The following PTPRT variants were observed in gnomAD, a reference collection of about 807,000 sequenced individuals.
The protein encoded by PTPRT is protein tyrosine phosphatase receptor type T, also known as receptor-type tyrosine-protein phosphatase T.
PTPRT carries 56 observed loss-of-function variants against 176.8 expected under a neutral mutation model. That is an observed-to-expected ratio of 0.32 (90% confidence interval 0.26 to 0.40). The LOEUF (loss-of-function observed/expected upper bound fraction) is 0.40. Among genes scored for constraint, PTPRT ranks in the 10% least tolerant of loss-of-function variants. The pLI is 1.00. For missense variants in PTPRT, 1,540 were observed against 1,908.2 expected, an observed-to-expected ratio of 0.81 and a Z score of 3.60; for synonymous variants, 783 against 739.0, an observed-to-expected ratio of 1.06 and a Z score of -0.96.
intron 13 of PTPRT, among the ~76,000 whole-genome samples, chr20:42,255,307 G>A (rs1266911277): frequency 1.3e-5 from 2 of 152,222 alleles, no homozygotes. Context: ...AAAATGCCAA[G>A]TTCACACTGG....
At chr20:42,363,179 T>C (rs1209978016) in intron 9 of PTPRT, among the ~76,000 whole-genome samples, 1 of 144,800 alleles carries the variant, frequency 6.9e-6, no homozygotes, top group African/African-American at 2.5e-5. Context: ...CTAAGTCTCA[T>C]TGATTGGCAA....
chr20:43,122,415 CA>C (rs772425490), intron 1 of PTPRT, among the ~76,000 whole-genome samples: 10 of 152,190 alleles, frequency 6.6e-5, no homozygotes, highest in African/African-American at 1.2e-4. Flanking sequence ...GGCCTGTCCA[CA>C]AACATGAAGA....
intron 9 of PTPRT, among the ~76,000 whole-genome samples, chr20:42,359,487 C>G (rs899653637): frequency 1.1e-4 from 16 of 152,216 alleles, no homozygotes; most frequent in African/African-American, 3.4e-4. Flanking sequence ...AGTATCCTTA[C>G]TGGCCTCGTG....
rs1987979569 is a variant in PTPRT, at chr20:42,128,738, C to G, written c.2847+16G>C. ...CAAAAGCCAGCCCCAGCCCCCAGCC[C>G]CATTAAGACACTCACGTCAATGTAG... On this transcript the variant is annotated intron_variant, in intron 19 of 30. Coordinates refer to ENST00000373187, the MANE Select transcript of PTPRT (RefSeq NM_007050.6). 1.3e-6 allele frequency: 2 copies of G among 1,575,968 alleles called. No individual in the cohort carries two copies. Among genetic ancestry groups the G allele is most frequent in the Non-Finnish European group, 1.7e-6 (2 of 1,158,452 alleles).
intron 6 of PTPRT, among the ~76,000 whole-genome samples, chr20:42,732,843 G>C (rs150503865): frequency 2.6e-5 from 4 of 152,250 alleles, no homozygotes; most frequent in Non-Finnish European, 4.4e-5. Context: ...TAAAATTCAA[G>C]GTGAAAAGGG....
chr20:42,510,449 G>A (rs1044975003), intron 7 of PTPRT, among the ~76,000 whole-genome samples: 14 of 151,798 alleles, frequency 9.2e-5, no homozygotes, highest in East Asian at 3.9e-4. Context: ...ATGCTATAAC[G>A]TGTGTGTTTT....
intron 2 of PTPRT, among the ~76,000 whole-genome samples, chr20:42,803,695 A>T (rs923905154): frequency 1.3e-5 from 2 of 152,222 alleles, no homozygotes. Flanking sequence ...CTGGAATTAC[A>T]GGCATGTGCC....
Position 42,161,337 on chromosome 20 carries a change from A to T in PTPRT, c.2682+15T>A. On this transcript the variant is annotated intron_variant, in intron 17 of 30. Coordinates refer to ENST00000373187, the MANE Select transcript of PTPRT (RefSeq NM_007050.6). Reference sequence around the variant, plus strand: ...TGAAACTATCAGGAAGTTTCCCCACAGGCTGGTCTCTTACCTCGTATTCCT... The same window carrying T: ...TGAAACTATCAGGAAGTTTCCCCACTGGCTGGTCTCTTACCTCGTATTCCT... 1 of 1,613,968 alleles carries T rather than the reference A, an allele frequency of 6.2e-7. No homozygotes were observed. The highest frequency in any genetic ancestry group is 8.5e-7 in the Non-Finnish European group (1 of 1,179,866).
intron 15 of PTPRT, among the ~76,000 whole-genome samples, chr20:42,229,717 C>T (rs902110743): frequency 1.3e-5 from 2 of 152,170 alleles, no homozygotes; most frequent in African/African-American, 4.8e-5. Context: ...CTCTGTTTTA[C>T]ATACCAGGCA....
intron 1 of PTPRT, among the ~76,000 whole-genome samples, chr20:42,929,246 CTAAT>C (rs1379311720): frequency 6.6e-6 from 1 of 152,224 alleles, no homozygotes; most frequent in African/African-American, 2.4e-5. Context: ...AAACAGGAGA[CTAAT>C]TAAATAAGTT....
chr20:43,187,154 C>T (rs1432863541), intron 1 of PTPRT, among the ~76,000 whole-genome samples: 2 of 152,134 alleles, frequency 1.3e-5, no homozygotes, highest in African/African-American at 2.4e-5. Context: ...GACACTGAGA[C>T]CAACATGTTA....
At chr20:42,590,729 A>G (rs565972249) in intron 7 of PTPRT, among the ~76,000 whole-genome samples, 199 of 152,300 alleles carry the variant, frequency 1.3e-3, no homozygotes, top group Non-Finnish European at 1.8e-3. Context: ...ATTCTAAGGA[A>G]TTTTGGGAAA....
chr20:42,153,314 A>G (rs984525487), intron 17 of PTPRT, among the ~76,000 whole-genome samples: 4 of 152,198 alleles, frequency 2.6e-5, no homozygotes, highest in Admixed American at 2.6e-4. Flanking sequence ...ATATACTATC[A>G]GCCTTTAGAA....
rs534001446 is a variant in PTPRT at position 42,398,223 on chromosome 20, T to G, written c.1561-45938A>C. 4.6e-5 allele frequency among the ~76,000 whole-genome samples: 7 copies of G among 152,272 alleles called. No individual in the cohort carries two copies. The East Asian group carries it at 1.2e-3, about 25-fold the overall frequency. On this transcript the variant is annotated intron_variant, in intron 9 of 30. Coordinates refer to ENST00000373187, the MANE Select transcript of PTPRT (RefSeq NM_007050.6). Reference sequence around the variant, plus strand: ...ACAATAGATTAAAAGGAATAACCAATAGATGTGTACAAATCTGATTAAACT... The same window carrying G: ...ACAATAGATTAAAAGGAATAACCAAGAGATGTGTACAAATCTGATTAAACT...
chr20:42,819,215 C>A (rs2077845950), intron 2 of PTPRT, among the ~76,000 whole-genome samples: 1 of 152,152 alleles, frequency 6.6e-6, no homozygotes, highest in Non-Finnish European at 1.5e-5. Context: ...GGCAGAAACT[C>A]CAGAGGCCAG....
chr20:42,263,454 C>T (rs1026638854), intron 13 of PTPRT, among the ~76,000 whole-genome samples: 7 of 142,640 alleles, frequency 4.9e-5, no homozygotes, highest in Admixed American at 1.5e-4. Flanking sequence ...GATCTCGGCT[C>T]GCTGCAACCT....
intron 7 of PTPRT, among the ~76,000 whole-genome samples, chr20:42,527,466 A>G (rs1199364392): frequency 6.6e-6 from 1 of 152,142 alleles, no homozygotes. Flanking sequence ...GCATCTGACC[A>G]CACCCTTAAT....
chr20:42,560,693 G>A (rs1464866264), intron 7 of PTPRT, among the ~76,000 whole-genome samples: 1 of 152,114 alleles, frequency 6.6e-6, no homozygotes, highest in Non-Finnish European at 1.5e-5. Context: ...CCTCAATATG[G>A]ATTCTCTTTG....
intron 1 of PTPRT, among the ~76,000 whole-genome samples, chr20:42,953,190 C>G (rs900590440): frequency 6.6e-6 from 1 of 152,178 alleles, no homozygotes; most frequent in Non-Finnish European, 1.5e-5. Flanking sequence ...GAGTAGGTAT[C>G]CTGAGAGTCA....
Sources: gnomAD v4.1 joint callset for allele counts (sites outside exome capture counted in the v4.1 genomes callset) on GRCh38, gnomAD v4.1.1 for gene constraint, MANE v1.5 for transcripts, NCBI Gene and HGNC (gene_info 2026-07-23, HGNC 2026-07-21) for gene names.